Variants in C8orf34 observed in about 807,000 individuals in gnomAD.
C8orf34 encodes chromosome 8 open reading frame 34.
C8orf34 carries 65 observed loss-of-function variants against 68.3 expected under a neutral mutation model. The observed-to-expected ratio is 0.95, with a 90% CI of 0.78 to 1.17. The LOEUF is 1.17. Among genes scored for constraint, C8orf34 ranks in the 50% most tolerant of loss-of-function variants. The pLI is 0.00. For missense variants in C8orf34, 664 were observed against 655.4 expected (o/e 1.01, Z -0.14); for synonymous variants, 244 against 241.2 (o/e 1.01, Z -0.11).
chr8:68,494,045 T>A (rs1288642199), intron 5 of C8orf34, among the ~76,000 whole-genome samples: 1 of 152,196 alleles, frequency 6.6e-6, no homozygotes, highest in Admixed American at 6.5e-5. Context: ...AAGAGCAAGA[T>A]TTATAGGAAA....
intron 1 of C8orf34, among the ~76,000 whole-genome samples, chr8:68,371,894 A>G (rs1472460583): frequency 6.6e-6 from 1 of 152,062 alleles, no homozygotes; most frequent in Non-Finnish European, 1.5e-5. Flanking sequence ...TATTTCTATA[A>G]GCTACCCTAC....
intron 1 of C8orf34, among the ~76,000 whole-genome samples, chr8:68,356,568 A>AT (rs1276773681): frequency 1.3e-5 from 2 of 152,116 alleles, no homozygotes; most frequent in Non-Finnish European, 2.9e-5. Context: ...TTAAATTATG[A>AT]TTTAGATTTG....
chr8:68,728,869 C>G (rs1821906453), intron 10 of C8orf34, among the ~76,000 whole-genome samples: 1 of 152,284 alleles, frequency 6.6e-6, no homozygotes, highest in African/African-American at 2.4e-5. Flanking sequence ...AAATGAATGG[C>G]TTTTACCCTT....
intron 7 of C8orf34, among the ~76,000 whole-genome samples, chr8:68,610,012 A>G (rs1817969758): frequency 6.6e-6 from 1 of 152,188 alleles, no homozygotes; most frequent in Admixed American, 6.5e-5. Flanking sequence ...GCATGGATCA[A>G]GTGCATCGTT....
intron 1 of C8orf34, among the ~76,000 whole-genome samples, chr8:68,398,321 T>C (rs1227583618): frequency 6.6e-6 from 1 of 152,142 alleles, no homozygotes; most frequent in Non-Finnish European, 1.5e-5. Flanking sequence ...TAATTAAATT[T>C]CTCTTACACT....
intron 12 of C8orf34, among the ~76,000 whole-genome samples, chr8:68,795,859 A>G (rs1477535823): frequency 2.6e-5 from 4 of 152,174 alleles, no homozygotes; most frequent in Non-Finnish European, 4.4e-5. Flanking sequence ...TCACTCCCTT[A>G]GACAGCTGTG....
chr8:68,345,259 T>C (rs1259653791), intron 1 of C8orf34, among the ~76,000 whole-genome samples: 1 of 151,876 alleles, frequency 6.6e-6, no homozygotes, highest in Non-Finnish European at 1.5e-5. Flanking sequence ...AATGAGACAA[T>C]TGATATTGCA....
intron 13 of C8orf34, among the ~76,000 whole-genome samples, chr8:68,817,675 C>A (rs1205927274): frequency 2.0e-5 from 3 of 152,022 alleles, no homozygotes; most frequent in Non-Finnish European, 4.4e-5. Context: ...TGTATTAGTC[C>A]ATTTTCACAC....
intron 8 of C8orf34, among the ~76,000 whole-genome samples, chr8:68,695,087 T>TA (rs1278037404): frequency 6.6e-6 from 1 of 151,720 alleles, no homozygotes; most frequent in Non-Finnish European, 1.5e-5. Flanking sequence ...CTAGAAAATA[T>TA]ATTAAGCTCA....
chr8:68,762,625 T>C (rs1823052749), intron 10 of C8orf34, among the ~76,000 whole-genome samples: 1 of 152,178 alleles, frequency 6.6e-6, no homozygotes, highest in Admixed American at 6.5e-5. Context: ...GTAATAAACC[T>C]CAGTGTTCAG....
Position 68,331,042 on chromosome 8 carries a change from T to G in C8orf34, c.30T>G (p.Ser10=). The G allele has an allele frequency of 6.8e-7, 1 of 1,471,800 alleles. No homozygotes were observed. The highest frequency in any genetic ancestry group is 8.9e-7 in the Non-Finnish European group (1 of 1,123,576). The allele number at this position is 1,471,800 out of a possible 1,614,324, so 91.2% of individuals were successfully genotyped here. ...GTTCTCCCCTCGCCTCGGAGTTGTC[T>G]GAGTTGGCGGCGCTGCGCCCAGGCT... MSSPLASEL[S]ELAALRPGFR... The change falls in exon 1 of 14, where the codon TCT becomes TCG. Residue 10 remains serine, a synonymous_variant. Transcript: ENST00000518698.
intron 3 of C8orf34, among the ~76,000 whole-genome samples, chr8:68,459,593 A>G (rs1366201872): frequency 2.0e-5 from 3 of 152,226 alleles, no homozygotes; most frequent in Admixed American, 6.5e-5. Flanking sequence ...TATGGAGAAC[A>G]GTACGGAGAT....
intron 1 of C8orf34, among the ~76,000 whole-genome samples, chr8:68,359,970 T>C (rs1563375649): frequency 2.6e-5 from 4 of 152,172 alleles, no homozygotes. Flanking sequence ...TTTGAGTGAA[T>C]AGTATTTGAA....
intron 10 of C8orf34, among the ~76,000 whole-genome samples, chr8:68,763,826 A>G (rs1415944250): frequency 6.6e-6 from 1 of 152,210 alleles, no homozygotes; most frequent in Non-Finnish European, 1.5e-5. Context: ...TTAATGGTAA[A>G]GAGATAGATA....
intron 8 of C8orf34, among the ~76,000 whole-genome samples, chr8:68,669,537 T>A (rs2130836875): frequency 6.6e-6 from 1 of 152,266 alleles, no homozygotes. Context: ...AGTATAAAAA[T>A]CCCATGAGGT....
At chr8:68,794,925 A>G (rs1824133124) in intron 12 of C8orf34, among the ~76,000 whole-genome samples, 1 of 152,072 alleles carries the variant, frequency 6.6e-6, no homozygotes, top group South Asian at 2.1e-4. Context: ...TGGAGTTTGG[A>G]TTTTCAGATT....
chr8:68,799,946 G>A (rs1006773622), intron 12 of C8orf34, among the ~76,000 whole-genome samples: 4 of 152,264 alleles, frequency 2.6e-5, no homozygotes, highest in Admixed American at 6.5e-5. Flanking sequence ...CCACAGCATG[G>A]GCAAGGACAC....
chr8:68,811,760 T>C (rs1275230762), intron 12 of C8orf34, among the ~76,000 whole-genome samples: 1 of 152,260 alleles, frequency 6.6e-6, no homozygotes, highest in African/African-American at 2.4e-5. Context: ...ATTTTGATTG[T>C]TATGTGCCAT....
chr8:68,784,347 A>G (rs1823780892), intron 11 of C8orf34, among the ~76,000 whole-genome samples: 1 of 152,234 alleles, frequency 6.6e-6, no homozygotes, highest in Non-Finnish European at 1.5e-5. Flanking sequence ...TTTAATTTTC[A>G]TCACATCCTG....
Sources: allele counts gnomAD v4.1 joint callset (sites outside exome capture counted in the v4.1 genomes callset), GRCh38; gene constraint gnomAD v4.1.1; transcripts MANE v1.5; gene names NCBI Gene and HGNC (gene_info 2026-07-23, HGNC 2026-07-21).